The following IGF1R variants were observed in gnomAD, a reference collection of about 807,000 sequenced individuals.
IGF1R encodes insulin like growth factor 1 receptor, also known as insulin-like growth factor 1 receptor.
In IGF1R, 44 loss-of-function variants were observed where a neutral mutation model predicts 144.6. The observed-to-expected ratio is 0.30, with a 90% confidence interval of 0.24 to 0.39. IGF1R has a LOEUF of 0.39. IGF1R is among the 10% of genes least tolerant of loss of function. The pLI is 1.00. For missense variants in IGF1R, 1,355 were observed against 1,833.7 expected (o/e 0.74, Z 4.77); for synonymous variants, 795 against 722.8 (o/e 1.10, Z -1.60).
chr15:98,797,086 C>T (rs1366003751), intron 2 of IGF1R, among the ~76,000 whole-genome samples: 1 of 152,254 alleles, frequency 6.6e-6, no homozygotes, highest in Non-Finnish European at 1.5e-5. Flanking sequence ...TGGCAGAGTT[C>T]TGTGTACACA....
At chr15:98,769,867 C>T (rs1270239568) in intron 2 of IGF1R, among the ~76,000 whole-genome samples, 1 of 152,198 alleles carries the variant, frequency 6.6e-6, no homozygotes, top group Non-Finnish European at 1.5e-5. Flanking sequence ...GGCACATGCT[C>T]AAAGATTTTT....
chr15:98,656,046 A>G lies in IGF1R; in HGVS notation c.94+6371A>G, dbSNP rs144729994. Among the ~76,000 whole-genome samples, 20 of 152,322 alleles carry G rather than the reference A, an allele frequency of 1.3e-4. No homozygotes were observed. In the East Asian group the frequency reaches 3.9e-3, roughly 29 times the overall value. ...TCTTCTGTTTTCACTGGACCACAAC[A>G]GAAAGTAGTTTCTTTTATGGTGAGG... is the stretch of plus-strand genomic sequence containing the variant. On this transcript the variant is annotated intron_variant, in intron 1 of 20. Coordinates refer to ENST00000650285, the MANE Select transcript of IGF1R (RefSeq NM_000875.5).
chr15:98,721,966 T>C (rs190032060), intron 2 of IGF1R, among the ~76,000 whole-genome samples: 21 of 152,310 alleles, frequency 1.4e-4, no homozygotes, highest in African/African-American at 5.1e-4. Flanking sequence ...TGTGTACATA[T>C]CACTCCCATA....
chr15:98,922,134 T>C lies in IGF1R; in HGVS notation c.2202-14T>C. ...TAAAAGTACTTAAAAGCCACATTTC[T>C]CTCCTCCTTGCAGACCTGAAAGGAA... On this transcript the variant is annotated splice_polypyrimidine_tract_variant and intron_variant, in intron 10 of 20. Coordinates refer to ENST00000650285, the MANE Select transcript of IGF1R (RefSeq NM_000875.5). 3.7e-6 allele frequency: 6 copies of C among 1,614,078 alleles called. No individual in the cohort carries two copies. The highest frequency in any genetic ancestry group is 5.1e-6 in the Non-Finnish European group (6 of 1,179,988).
intron 4 of IGF1R, among the ~76,000 whole-genome samples, chr15:98,897,901 G>T (rs954420846): frequency 6.6e-6 from 1 of 151,574 alleles, no homozygotes; most frequent in Non-Finnish European, 1.5e-5. Context: ...GGAATTTTGG[G>T]GGGGGAATCC....
At chr15:98,740,980 G>T (rs546929043) in intron 2 of IGF1R, among the ~76,000 whole-genome samples, 20 of 152,304 alleles carry the variant, frequency 1.3e-4, no homozygotes, top group African/African-American at 4.6e-4. Flanking sequence ...TCTCAGTTGA[G>T]TGTATTTGTG....
Position 98,944,475 on chromosome 15 carries a change from A to T in IGF1R, c.3587+1423A>T, listed in dbSNP as rs182800777. 2.0e-3 allele frequency among the ~76,000 whole-genome samples: 298 copies of T among 152,358 alleles called. 1 individual carries two copies. The highest frequency in any genetic ancestry group is 6.8e-3 in the African/African-American group (283 of 41,594). On this transcript the variant is annotated intron_variant, in intron 19 of 20. Transcript: ENST00000650285. The stretch of plus-strand genomic sequence containing the variant: ...TCAGGTTTTGTTTGCTTTTTAACAC[A>T]GGCTTTGAGGATAGCACAGGTCAGG...
intron 3 of IGF1R, among the ~76,000 whole-genome samples, chr15:98,896,504 C>T (rs2014205029): frequency 6.6e-6 from 1 of 152,184 alleles, no homozygotes; most frequent in Non-Finnish European, 1.5e-5. Flanking sequence ...GAGGATGCAG[C>T]ATGTATTTTG....
At chr15:98,735,097 G>A (rs1010485209) in intron 2 of IGF1R, among the ~76,000 whole-genome samples, 2 of 152,204 alleles carry the variant, frequency 1.3e-5, no homozygotes, top group African/African-American at 4.8e-5. Context: ...AGCTGGGGAA[G>A]GTGGAAGTGC....
chr15:98,660,116 T>C (rs2052567968), intron 1 of IGF1R: 1 of 152,264 alleles, frequency 6.6e-6, no homozygotes, highest in African/African-American at 2.4e-5. Flanking sequence ...CCTTTTATTA[T>C]TTTTAATTCG....
intron 2 of IGF1R, among the ~76,000 whole-genome samples, chr15:98,781,871 C>T (rs529832570): frequency 6.6e-6 from 1 of 152,234 alleles, no homozygotes; most frequent in South Asian, 2.1e-4. Context: ...TCTTAAGGTT[C>T]AAGACTACAT....
chr15:98,743,994 A>G (rs2054807087), intron 2 of IGF1R, among the ~76,000 whole-genome samples: 2 of 152,168 alleles, frequency 1.3e-5, no homozygotes, highest in Admixed American at 6.5e-5. Context: ...GAGGAAGATC[A>G]GGTGGGGACT....
chr15:98,950,968 G>A (rs374078238), intron 20 of IGF1R, among the ~76,000 whole-genome samples: 1 of 152,210 alleles, frequency 6.6e-6, no homozygotes, highest in African/African-American at 2.4e-5. Flanking sequence ...GCCGGCCAGC[G>A]GAGGGCATGG....
At chr15:98,649,750 C>A in intron 1 of IGF1R, 75 bp downstream of exon 1, 1 of 1,134,316 alleles carries the variant, frequency 8.8e-7, no homozygotes, top group Non-Finnish European at 1.3e-6. Context: ...TTGCGAAACC[C>A]GAGTTGCCAC....
chr15:98,761,828 C>T (rs966711256), intron 2 of IGF1R, among the ~76,000 whole-genome samples: 1 of 152,224 alleles, frequency 6.6e-6, no homozygotes, highest in African/African-American at 2.4e-5. Flanking sequence ...TGCACTTATT[C>T]CACAAACATT....
intron 2 of IGF1R, 65 bp downstream of exon 2, chr15:98,708,172 C>G (rs1596215174): frequency 2.2e-6 from 3 of 1,388,848 alleles, no homozygotes; most frequent in East Asian, 2.3e-5. Context: ...TCCTTGACCT[C>G]CCTTCTCTTC....
At chr15:98,889,189 C>T (rs776726966) in intron 2 of IGF1R, among the ~76,000 whole-genome samples, 17 of 152,326 alleles carry the variant, frequency 1.1e-4, no homozygotes, top group Non-Finnish European at 2.1e-4. Context: ...TGGAAGGCAA[C>T]CTGTTGTTTC....
At chr15:98,913,336 G>T in intron 8 of IGF1R, 54 bp downstream of exon 8, 1 of 1,369,278 alleles carries the variant, frequency 7.3e-7, no homozygotes, top group Non-Finnish European at 1.0e-6. Context: ...AAGCTCACTG[G>T]CCTTGCTTGT....
intron 2 of IGF1R, among the ~76,000 whole-genome samples, chr15:98,881,080 C>T (rs1041929295): frequency 1.3e-5 from 2 of 152,172 alleles, no homozygotes; most frequent in South Asian, 4.1e-4. Flanking sequence ...TGCTGGAACT[C>T]AATAAATAAA....
Sources: allele counts gnomAD v4.1 joint callset (sites outside exome capture counted in the v4.1 genomes callset), GRCh38; gene constraint gnomAD v4.1.1; transcripts MANE v1.5; gene names NCBI Gene and HGNC (gene_info 2026-07-23, HGNC 2026-07-21).